DNER: variants seen among roughly 807,000 people sequenced by gnomAD.
The protein encoded by DNER is delta and Notch-like epidermal growth factor-related receptor.
A neutral mutation model predicts 78.2 loss-of-function variants in DNER; 33 were observed. The ratio of observed to expected loss-of-function variants is 0.42; its 90% CI spans 0.32 to 0.56. The LOEUF (loss-of-function observed/expected upper bound fraction) is 0.56, where lower values mean the gene tolerates loss of function less well. Among genes scored for constraint, DNER ranks in the 20% least tolerant of loss-of-function variants. The pLI is 0.11. For synonymous variants in DNER, 417 were observed against 384.8 expected (o/e 1.08, Z -0.98); for missense variants, 918 against 975.3 (o/e 0.94, Z 0.78).
At chr2:229,386,149 G>T (rs1415814141) in intron 11 of DNER, among the ~76,000 whole-genome samples, 1 of 152,106 alleles carries the variant, frequency 6.6e-6, no homozygotes. Flanking sequence ...AAGAACAGAG[G>T]CCTCAGAAAT....
intron 10 of DNER, among the ~76,000 whole-genome samples, chr2:229,406,973 C>G (rs1185605920): frequency 1.3e-5 from 2 of 152,242 alleles, no homozygotes; most frequent in South Asian, 2.1e-4. Flanking sequence ...TTTCATAGTC[C>G]TAGCCTGGGA....
intron 8 of DNER, among the ~76,000 whole-genome samples, chr2:229,425,141 T>C (rs6749306): frequency 1 from 152,263 of 152,280 alleles, 76,123 homozygotes; most frequent in Non-Finnish European, 1. Flanking sequence ...CATAACACAG[T>C]CCATGGGGTG....
chr2:229,418,379 G>C, intron 8 of DNER, 149 bp from the exon 9 acceptor site: 1 of 1,108,054 alleles, frequency 9.0e-7, no homozygotes, highest in South Asian at 1.6e-5. Flanking sequence ...TTGGGGTAAA[G>C]TTGAAAGGTG....
At chr2:229,702,640 G>A (rs577093676) in intron 1 of DNER, among the ~76,000 whole-genome samples, 3 of 152,084 alleles carry the variant, frequency 2.0e-5, no homozygotes, top group African/African-American at 4.8e-5. Context: ...GGTTCTGGCC[G>A]GGCACGGTGG....
In DNER at chr2:229,470,857, A is replaced by G. The variant is rs563870428; in HGVS notation, c.1261+6283T>C. 2.0e-5 allele frequency among the ~76,000 whole-genome samples: 3 copies of G among 152,312 alleles called. No homozygotes were observed. The South Asian group carries it at 6.2e-4, about 32-fold the overall frequency. ...AAGAGCAAAATGCTGTTTCAAACAC[A>G]AAATAAAATAAGATAAAATTTTACT... is the stretch of plus-strand genomic sequence containing the variant. On this transcript the variant is annotated intron_variant, in intron 7 of 12. Transcript: ENST00000341772.
At chr2:229,423,854 C>A (rs902413834) in intron 8 of DNER, among the ~76,000 whole-genome samples, 1 of 152,198 alleles carries the variant, frequency 6.6e-6, no homozygotes, top group Non-Finnish European at 1.5e-5. Flanking sequence ...TTCCCACCAG[C>A]AACTCATCAC....
rs184913413 is a variant in DNER, at chr2:229,499,316, G to A, written c.1147+13467C>T. On this transcript the variant is annotated intron_variant, in intron 6 of 12. Transcript: ENST00000341772. ...AAAAATTAGCTGGGCATGGTGGTGG[G>A]TGCCTGTAGTCCCAGCTACTCAGGA... 7.9e-5 allele frequency among the ~76,000 whole-genome samples: 12 copies of A among 151,944 alleles called. No homozygotes were observed. In the East Asian group the frequency reaches 2.3e-3, roughly 29 times the overall value.
At chr2:229,651,358 G>A (rs1698813304) in intron 1 of DNER, among the ~76,000 whole-genome samples, 1 of 152,232 alleles carries the variant, frequency 6.6e-6, no homozygotes, top group Admixed American at 6.5e-5. Flanking sequence ...ATGGTAGACA[G>A]GAGGAAAGTC....
chr2:229,367,563 T>C (rs145803107), intron 11 of DNER, among the ~76,000 whole-genome samples: 1 of 152,002 alleles, frequency 6.6e-6, no homozygotes, highest in South Asian at 2.1e-4. Context: ...ATTGCACCAC[T>C]GCACTCCAGC....
At chr2:229,525,562 C>T (rs765229282) in intron 5 of DNER, among the ~76,000 whole-genome samples, 7 of 152,144 alleles carry the variant, frequency 4.6e-5, no homozygotes, top group Admixed American at 3.3e-4. Flanking sequence ...AGGAAAAACA[C>T]TTTGCATTTT....
chr2:229,684,588 G>A (rs1341634389), intron 1 of DNER, among the ~76,000 whole-genome samples: 4 of 152,062 alleles, frequency 2.6e-5, no homozygotes, highest in East Asian at 3.9e-4. Flanking sequence ...CAGACTTTAC[G>A]TACCTCAAAC....
intron 12 of DNER, among the ~76,000 whole-genome samples, chr2:229,360,736 C>T (rs1692192190): frequency 6.6e-6 from 1 of 152,208 alleles, no homozygotes; most frequent in Admixed American, 6.5e-5. Flanking sequence ...GGGCTGATGC[C>T]TCTCAAGAGT....
At chr2:229,542,846 C>G (rs1696542951) in intron 5 of DNER, among the ~76,000 whole-genome samples, 1 of 150,594 alleles carries the variant, frequency 6.6e-6, no homozygotes, top group Admixed American at 6.6e-5. Context: ...TCCCCCCAGA[C>G]ATTTCTCTCC....
rs1051620739 is a variant in DNER at position 229,588,426 on chromosome 2, T to A, written c.648A>T (p.Val216=). ...SSNSSAGGRL[V]SFEVPQNTSV... ...AGGTGTTCTGTGGCACTTCAAAGGATACCAGGCGGCCACCCGCAGAGCTGT... is the reference window on the plus strand; with the variant it reads ...AGGTGTTCTGTGGCACTTCAAAGGAAACCAGGCGGCCACCCGCAGAGCTGT... The change falls in exon 3 of 13, where the codon GTA becomes GTT. Residue 216 remains valine, a synonymous_variant. Coordinates refer to ENST00000341772, the MANE Select transcript of DNER (RefSeq NM_139072.4). 4 of 1,600,648 alleles carry A rather than the reference T, an allele frequency of 2.5e-6. No individual in the cohort carries two copies. In the South Asian group the frequency reaches 3.3e-5, roughly 13 times the overall value.
intron 6 of DNER, among the ~76,000 whole-genome samples, chr2:229,498,180 A>T (rs1226653090): frequency 6.6e-6 from 1 of 152,234 alleles, no homozygotes; most frequent in Non-Finnish European, 1.5e-5. Context: ...CAAAAACCAC[A>T]TCATCATCTC....
intron 1 of DNER, among the ~76,000 whole-genome samples, chr2:229,709,892 T>C (rs1013013649): frequency 1.3e-5 from 2 of 152,132 alleles, no homozygotes; most frequent in African/African-American, 4.8e-5. Context: ...GACAGCCCAA[T>C]AGAAGGAGTT....
chr2:229,506,693 C>T (rs777499099), intron 6 of DNER, among the ~76,000 whole-genome samples: 16 of 149,180 alleles, frequency 1.1e-4, no homozygotes, highest in Middle Eastern at 3.4e-3. Flanking sequence ...CCACAGGCCC[C>T]GGTGTGTGAT....
intron 5 of DNER, among the ~76,000 whole-genome samples, chr2:229,535,128 G>A (rs1382542221): frequency 7.9e-5 from 12 of 152,110 alleles, no homozygotes; most frequent in Non-Finnish European, 1.0e-4. Context: ...GAGCCACCAC[G>A]CCTGGCTGTA....
In DNER at chr2:229,453,262, T is replaced by C. The variant is rs1451897867; in HGVS notation, c.1262-5722A>G. ...TAATAAGAAGCAGCAATAATTATAA[T>C]GTAATTTCCAGGTTTTCAGATGGGG... On this transcript the variant is annotated intron_variant, in intron 7 of 12. Coordinates refer to ENST00000341772, the MANE Select transcript of DNER (RefSeq NM_139072.4). Among the ~76,000 whole-genome samples the C allele has an allele frequency of 2.0e-5, 3 of 152,238 alleles. No individual in the cohort carries two copies. In the East Asian group the frequency reaches 5.8e-4, roughly 29 times the overall value.
Sources: allele counts gnomAD v4.1 joint callset (sites outside exome capture counted in the v4.1 genomes callset), GRCh38; gene constraint gnomAD v4.1.1; transcripts MANE v1.5; gene names NCBI Gene and HGNC (gene_info 2026-07-23, HGNC 2026-07-21).